The following YAP1 variants were observed in gnomAD, a reference collection of about 807,000 sequenced individuals.
YAP1 encodes Yes1 associated transcriptional regulator, also known as transcriptional coactivator YAP1.
Under a neutral mutation model 56.9 loss-of-function variants are expected in YAP1, and 5 were observed. The observed-to-expected ratio is 0.09, with a 90% CI of 0.05 to 0.18. The LOEUF is 0.18. Among genes scored for constraint, YAP1 ranks in the 10% least tolerant of loss-of-function variants. The pLI is 1.00. For missense variants in YAP1, 539 were observed against 651.8 expected, an observed-to-expected ratio of 0.83 and a Z score of 1.88; for synonymous variants, 265 against 248.1, an observed-to-expected ratio of 1.07 and a Z score of -0.64.
At chr11:102,162,631 A>C (rs1425897451) in intron 3 of YAP1, 60 bp downstream of exon 3, 50 of 1,509,778 alleles carry the variant, frequency 3.3e-5, no homozygotes, top group Non-Finnish European at 4.4e-5. Context: ...GTAAAAGTTG[A>C]TGTGGAAAAT....
chr11:102,219,544 C>T (rs1321221291), intron 6 of YAP1, among the ~76,000 whole-genome samples: 1 of 152,050 alleles, frequency 6.6e-6, no homozygotes, highest in Non-Finnish European at 1.5e-5. Context: ...TGTAGTATCA[C>T]TGTTTTAAAG....
At chr11:102,148,529 G>T (rs1049975449) in intron 2 of YAP1, among the ~76,000 whole-genome samples, 1 of 152,092 alleles carries the variant, frequency 6.6e-6, no homozygotes, top group Non-Finnish European at 1.5e-5. Context: ...TTTTTGGATG[G>T]CATTAATGTG....
intron 1 of YAP1, 63 bp downstream of exon 1, chr11:102,111,232 G>A: frequency 5.0e-6 from 8 of 1,588,178 alleles, no homozygotes; most frequent in Non-Finnish European, 6.0e-6. Flanking sequence ...GGGGGCGCTC[G>A]GGAGCCGCGG....
intron 3 of YAP1, among the ~76,000 whole-genome samples, chr11:102,175,689 G>C (rs1169505079): frequency 2.0e-5 from 3 of 152,206 alleles, no homozygotes; most frequent in Non-Finnish European, 4.4e-5. Flanking sequence ...AACCTGGACA[G>C]CATGTTACCG....
intron 2 of YAP1, among the ~76,000 whole-genome samples, chr11:102,138,356 C>T (rs966055632): frequency 1.3e-5 from 2 of 152,192 alleles, no homozygotes; most frequent in African/African-American, 4.8e-5. Flanking sequence ...GGGAGCTATA[C>T]TGGGGCTGGA....
chr11:102,178,681 TA>T lies in YAP1; in HGVS notation c.689-7336del, dbSNP rs1356115625. ...GTTTAAGTAGTTCTAATTTATGCAT[TA>T]TTTTATATATTGCCTACTACTCTCT... is the stretch of plus-strand genomic sequence containing the variant. On this transcript the variant is annotated intron_variant, in intron 3 of 8. Coordinates refer to ENST00000282441, the MANE Select transcript of YAP1 (RefSeq NM_001130145.3). 9.8e-5 allele frequency among the ~76,000 whole-genome samples: 15 copies of T among 152,348 alleles called. 1 individual carries two copies. The highest frequency in any genetic ancestry group is 3.1e-4 in the African/African-American group (13 of 41,584).
At chr11:102,180,487 C>T (rs943092206) in intron 3 of YAP1, among the ~76,000 whole-genome samples, 11 of 150,504 alleles carry the variant, frequency 7.3e-5, no homozygotes, top group Admixed American at 4.0e-4. Flanking sequence ...TCGAGACCAT[C>T]CTGGCTAACA....
rs1950397027 is a variant in YAP1, at chr11:102,230,465, G to A, written c.*525G>A. 1 of 153,620 alleles carries A rather than the reference G, an allele frequency of 6.5e-6. No homozygotes were observed. 9.5% of individuals were successfully genotyped at this position (153,620 alleles called of 1,614,324 possible). ...TGAAGAGATAGCTGAAACCAAGGCTGAAGACTGTTTTACTTTCAGTATTTT... is the reference window on the plus strand; with the variant it reads ...TGAAGAGATAGCTGAAACCAAGGCTAAAGACTGTTTTACTTTCAGTATTTT... On this transcript the variant is annotated 3_prime_UTR_variant, in exon 9 of 9. Transcript: ENST00000282441.
In YAP1 at chr11:102,162,633, G is replaced by A. The variant is rs1477619156; in HGVS notation, c.688+62G>A. On this transcript the variant is annotated intron_variant, in intron 3 of 8. Coordinates refer to ENST00000282441, the MANE Select transcript of YAP1 (RefSeq NM_001130145.3). Reference sequence around the variant, plus strand: ...TGCTTACGCATTGGTAAAAGTTGATGTGGAAAATAGTCATTACTCGTTTAC... The same window carrying A: ...TGCTTACGCATTGGTAAAAGTTGATATGGAAAATAGTCATTACTCGTTTAC... 6.1e-6 allele frequency: 9 copies of A among 1,484,536 alleles called. No homozygotes were observed. The Admixed American group carries it at 6.7e-5, about 11-fold the overall frequency. 92.0% of individuals were successfully genotyped at this position (1,484,536 alleles called of 1,614,324 possible). A position where few individuals can be genotyped will look rare whatever the true frequency, so the allele number is the denominator to read the frequency against.
intron 6 of YAP1, among the ~76,000 whole-genome samples, chr11:102,213,749 G>C (rs1412818517): frequency 2.6e-5 from 4 of 152,138 alleles, no homozygotes; most frequent in African/African-American, 9.7e-5. Flanking sequence ...TCTGTTTTAA[G>C]GCTTAGGGTG....
chr11:102,191,823 A>C (rs780029915), intron 4 of YAP1, among the ~76,000 whole-genome samples: 35 of 152,016 alleles, frequency 2.3e-4, no homozygotes, highest in Non-Finnish European at 3.2e-4. Context: ...GGCATGTGCC[A>C]CCATACCCTG....
At chr11:102,146,112 C>T (rs562113683) in intron 2 of YAP1, among the ~76,000 whole-genome samples, 3 of 152,296 alleles carry the variant, frequency 2.0e-5, no homozygotes, top group East Asian at 3.9e-4. Context: ...AGTCATAGAA[C>T]GATGACCTAC....
At position 102,210,643 on chromosome 11, in the gene YAP1, T is replaced by C. The variant is rs147674447; in HGVS notation, c.1032+1079T>C. On this transcript the variant is annotated intron_variant, in intron 6 of 8. Coordinates refer to ENST00000282441, the MANE Select transcript of YAP1 (RefSeq NM_001130145.3). ...TTCTTATGATGAGGGGGCACTAATA[T>C]ACCATTTGACTGTGAAGTGCAGGAT... Among the ~76,000 whole-genome samples, 192 of 152,362 alleles carry C rather than the reference T, an allele frequency of 1.3e-3. 1 individual carries two copies. Among genetic ancestry groups the C allele is most frequent in the Middle Eastern group, 0.01 (3 of 294 alleles).
chr11:102,186,195 T>C lies in YAP1; in HGVS notation c.802+64T>C, dbSNP rs537150871. On this transcript the variant is annotated intron_variant, in intron 4 of 8. Coordinates refer to ENST00000282441, the MANE Select transcript of YAP1 (RefSeq NM_001130145.3). ...TTGCTAATTTTTTTTGTAAATATAC[T>C]TCGGAAAGCACATTTAAATAAAATC... is the stretch of plus-strand genomic sequence containing the variant. 2.3e-5 allele frequency: 35 copies of C among 1,537,532 alleles called. No homozygotes were observed. In the Admixed American group the frequency reaches 5.5e-4, roughly 24 times the overall value.
At position 102,232,796 on chromosome 11, in the gene YAP1, T is replaced by C. The variant is rs1021703015; in HGVS notation, c.*2856T>C. 6.6e-6 allele frequency: 1 copy of C among 152,652 alleles called. No individual in the cohort carries two copies. Among genetic ancestry groups the C allele is most frequent in the Non-Finnish European group, 1.5e-5 (1 of 68,032 alleles). The allele number at this position is 152,652 out of a possible 1,614,324, so 9.5% of individuals were successfully genotyped here. On this transcript the variant is annotated 3_prime_UTR_variant, in exon 9 of 9. Transcript: ENST00000282441. ...AGTCAGGGCTTCTTAGATCTACTTATGGTTGATGGAGCACATTGATTTGGA... is the reference window on the plus strand; with the variant it reads ...AGTCAGGGCTTCTTAGATCTACTTACGGTTGATGGAGCACATTGATTTGGA...
At chr11:102,146,799 G>C (rs541085293) in intron 2 of YAP1, among the ~76,000 whole-genome samples, 104 of 152,150 alleles carry the variant, frequency 6.8e-4, no homozygotes, top group African/African-American at 2.4e-3. Flanking sequence ...CTTGCTTCTG[G>C]AACTTTCATT....
intron 4 of YAP1, among the ~76,000 whole-genome samples, chr11:102,203,750 C>CA (rs1948993028): frequency 6.6e-6 from 1 of 151,946 alleles, no homozygotes; most frequent in Non-Finnish European, 1.5e-5. Context: ...ATGTAAGTCA[C>CA]CATAGAAATT....
chr11:102,189,255 A>C (rs1417408195), intron 4 of YAP1, among the ~76,000 whole-genome samples: 1 of 152,138 alleles, frequency 6.6e-6, no homozygotes, highest in Non-Finnish European at 1.5e-5. Context: ...TATGTTGTAG[A>C]TCTATTACTG....
intron 4 of YAP1, among the ~76,000 whole-genome samples, chr11:102,199,148 A>C (rs1254752507): frequency 1.3e-5 from 2 of 152,166 alleles, no homozygotes; most frequent in African/African-American, 4.8e-5. Flanking sequence ...AGGTTTATGG[A>C]GCACCCACTA....
Sources: allele counts gnomAD v4.1 joint callset (sites outside exome capture counted in the v4.1 genomes callset), GRCh38; gene constraint gnomAD v4.1.1; transcripts MANE v1.5; gene names NCBI Gene and HGNC (gene_info 2026-07-23, HGNC 2026-07-21).